The following MSR1 variants were observed in gnomAD, a reference collection of about 807,000 sequenced individuals.
MSR1 encodes the protein macrophage scavenger receptor types I and II.
Under a neutral mutation model 47.2 loss-of-function variants are expected in MSR1, and 53 were observed. The observed-to-expected ratio is 1.12, with a 90% confidence interval of 0.90 to 1.41. The LOEUF (loss-of-function observed/expected upper bound fraction) is 1.41, where lower values mean the gene tolerates loss of function less well. Among genes scored for constraint, MSR1 ranks in the 40% most tolerant of loss-of-function variants. The probability of loss-of-function intolerance (pLI) is 0.00; values close to 1 mark genes in which losing one functional copy is unlikely to be tolerated. For synonymous variants in MSR1, 239 were observed against 185.6 expected (o/e 1.29, Z -2.34); for missense variants, 786 against 546.9 (o/e 1.44, Z -4.36).
chr8:16,123,679 A>T (rs1239099451), intron 8 of MSR1, among the ~76,000 whole-genome samples: 1 of 151,244 alleles, frequency 6.6e-6, no homozygotes, highest in African/African-American at 2.4e-5. Context: ...ATAAGCATAG[A>T]CTATGTGCCT....
chr8:16,174,755 G>T (rs973450453), intron 3 of MSR1, among the ~76,000 whole-genome samples: 2 of 152,106 alleles, frequency 1.3e-5, no homozygotes, highest in Non-Finnish European at 2.9e-5. Flanking sequence ...ACTAAGAATA[G>T]AAGAGCTTCT....
intron 6 of MSR1, among the ~76,000 whole-genome samples, chr8:16,153,873 A>T (rs536318675): frequency 6.6e-6 from 1 of 152,076 alleles, no homozygotes; most frequent in Non-Finnish European, 1.5e-5. Context: ...TTAATATCTG[A>T]TTAGCATTAG....
intron 1 of MSR1, among the ~76,000 whole-genome samples, chr8:16,189,330 C>T (rs1367921633): frequency 1.1e-5 from 1 of 87,338 alleles, no homozygotes; most frequent in Admixed American, 1.5e-4. Context: ...ATTTACATTT[C>T]ATATATATAT....
Position 16,108,069 on chromosome 8 carries a change from T to C in MSR1, c.*2016A>G, listed in dbSNP as rs889813302. 6.6e-6 allele frequency: 1 copy of C among 151,608 alleles called. No individual in the cohort carries two copies. The highest frequency in any genetic ancestry group is 2.1e-4 in the South Asian group (1 of 4,802). 9.4% of individuals were successfully genotyped at this position (151,608 alleles called of 1,614,324 possible). On this transcript the variant is annotated 3_prime_UTR_variant, in exon 10 of 10. Coordinates refer to ENST00000262101, the MANE Select transcript of MSR1 (RefSeq NM_138715.3). Reference sequence around the variant, plus strand: ...TCTATGCATAAGTGGTAAATCAGCATGCATATACCATACAGCAATATAGTA... The same window carrying C: ...TCTATGCATAAGTGGTAAATCAGCACGCATATACCATACAGCAATATAGTA...
chr8:16,179,043 C>A (rs930556825), intron 1 of MSR1, among the ~76,000 whole-genome samples: 2 of 151,996 alleles, frequency 1.3e-5, no homozygotes, highest in Non-Finnish European at 2.9e-5. Context: ...TATGTGGAAC[C>A]CTCTCATGTA....
At chr8:16,119,115 A>G (rs1250096431) in intron 9 of MSR1, among the ~76,000 whole-genome samples, 1 of 152,164 alleles carries the variant, frequency 6.6e-6, no homozygotes, top group East Asian at 1.9e-4. Context: ...AGTTCTGCAC[A>G]TTACCAGTCT....
intron 3 of MSR1, among the ~76,000 whole-genome samples, chr8:16,169,644 T>A (rs1229547883): frequency 6.6e-6 from 1 of 152,152 alleles, no homozygotes; most frequent in Non-Finnish European, 1.5e-5. Flanking sequence ...CTTATCATAT[T>A]ATTATCTTAA....
At chr8:16,189,527 ATT>A (rs1802118808) in intron 1 of MSR1, among the ~76,000 whole-genome samples, 1 of 95,972 alleles carries the variant, frequency 1.0e-5, no homozygotes, top group Non-Finnish European at 1.7e-5. Context: ...AAAAAATCAT[ATT>A]TTATATATAT....
chr8:16,110,208 T>G lies in MSR1; in HGVS notation c.1233A>C (p.Pro411=). Residue 411 remains proline, a synonymous_variant, in exon 10 of 10, where the codon CCA becomes CCC. Coordinates refer to ENST00000262101, the MANE Select transcript of MSR1 (RefSeq NM_138715.3). Reference sequence around the variant, plus strand: ...AACAAAACACTTCATTCAGCCATATTGGACCAGTACCTGCAATAATGAGGT... The same window carrying G: ...AACAAAACACTTCATTCAGCCATATGGGACCAGTACCTGCAATAATGAGGT... ...KAAHFGQGTG[P]IWLNEVFCFG... is the part of the protein sequence containing the mutation. The G allele has an allele frequency of 6.2e-7, 1 of 1,613,594 alleles. No individual in the cohort carries two copies. The highest frequency in any genetic ancestry group is 8.5e-7 in the Non-Finnish European group (1 of 1,179,656).
intron 3 of MSR1, among the ~76,000 whole-genome samples, chr8:16,171,018 G>C (rs1801469696): frequency 6.6e-6 from 1 of 151,802 alleles, no homozygotes. Flanking sequence ...GAGGTCAGGA[G>C]TTCGAGACCA....
rs146042734 is a variant in MSR1 at position 16,109,754 on chromosome 8, ATAT to A, written c.*328_*330del. The A allele has an allele frequency of 2.0e-4, 58 of 289,952 alleles. 1 individual carries two copies. In the East Asian group the frequency reaches 4.5e-3, roughly 23 times the overall value. The allele number at this position is 289,952 out of a possible 1,614,324, so 18.0% of individuals were successfully genotyped here. ...AAAAAATTGTAATCTCCTGGTGAAC[ATAT>A]TATGAATTGGAGCCAATTACTGGTA... On this transcript the variant is annotated 3_prime_UTR_variant, in exon 10 of 10. Coordinates refer to ENST00000262101, the MANE Select transcript of MSR1 (RefSeq NM_138715.3).
At position 16,120,415 on chromosome 8, in the gene MSR1, T is replaced by G; in HGVS notation, c.1222+3A>C. On this transcript the variant is annotated splice_donor_region_variant and intron_variant, in intron 9 of 9. Transcript: ENST00000262101. ...AAACCTCACAAGATTTTCTTTAAAT[T>G]ACCTTGTCCAAAGTGAGCTGCCTTG... 3 of 1,613,460 alleles carry G rather than the reference T, an allele frequency of 1.9e-6. No homozygotes were observed. The highest frequency in any genetic ancestry group is 8.5e-7 in the Non-Finnish European group (1 of 1,179,642).
chr8:16,118,062 T>G (rs1482669301), intron 9 of MSR1, among the ~76,000 whole-genome samples: 1 of 152,156 alleles, frequency 6.6e-6, no homozygotes, highest in Non-Finnish European at 1.5e-5. Flanking sequence ...TTGTCAGATC[T>G]CTGCATAATA....
intron 1 of MSR1, among the ~76,000 whole-genome samples, chr8:16,178,862 T>C (rs887076665): frequency 6.6e-6 from 1 of 152,072 alleles, no homozygotes; most frequent in South Asian, 2.1e-4. Context: ...CCAGTGATGA[T>C]GAGCATTTAA....
rs1469572349 is a variant in MSR1, at chr8:16,145,994, G to A, written c.980-2383C>T. Among the ~76,000 whole-genome samples, 3 of 152,068 alleles carry A rather than the reference G, an allele frequency of 2.0e-5. No individual in the cohort carries two copies. The East Asian group carries it at 5.8e-4, about 29-fold the overall frequency. ...AAAGTAAGAACCAGGTCATATGTAG[G>A]AGGATATTCTAACTTGAAAGGATGT... is the stretch of plus-strand genomic sequence containing the variant. On this transcript the variant is annotated intron_variant, in intron 7 of 9. Transcript: ENST00000262101.
rs1452837837 is a variant in MSR1, at chr8:16,159,199, T to C, written c.818-4055A>G. ...TCATTTTCTCTACTATAAAAATCAA[T>C]ATTTCTTTTTTGGTGCTTTCATATC... is the stretch of plus-strand genomic sequence containing the variant. On this transcript the variant is annotated intron_variant, in intron 5 of 9. Transcript: ENST00000262101. Among the ~76,000 whole-genome samples the C allele has an allele frequency of 2.0e-5, 3 of 151,546 alleles. No homozygotes were observed. The East Asian group carries it at 5.9e-4, about 30-fold the overall frequency.
intron 6 of MSR1, among the ~76,000 whole-genome samples, chr8:16,151,436 T>C (rs894121033): frequency 2.6e-5 from 4 of 152,174 alleles, no homozygotes; most frequent in South Asian, 2.1e-4. Flanking sequence ...GCAGACTCTA[T>C]ATGGCCTATG....
At chr8:16,181,238 A>T (rs2117220197) in intron 1 of MSR1, among the ~76,000 whole-genome samples, 1 of 152,312 alleles carries the variant, frequency 6.6e-6, no homozygotes, top group South Asian at 2.1e-4. Flanking sequence ...GTCAAATGGC[A>T]TTTCTGGTTC....
At chr8:16,161,144 G>C (rs1233805403) in intron 5 of MSR1, among the ~76,000 whole-genome samples, 3 of 151,164 alleles carry the variant, frequency 2.0e-5, no homozygotes, top group Admixed American at 6.6e-5. Flanking sequence ...TTGAATTAGA[G>C]TAGTAGTAGA....
Sources: allele counts gnomAD v4.1 joint callset (sites outside exome capture counted in the v4.1 genomes callset), GRCh38; gene constraint gnomAD v4.1.1; transcripts MANE v1.5; gene names NCBI Gene and HGNC (gene_info 2026-07-23, HGNC 2026-07-21).